Variants in FARS2 observed in about 807,000 individuals in gnomAD.
FARS2 encodes the protein phenylalanyl-tRNA synthetase 2, mitochondrial.
FARS2 carries 40 observed loss-of-function variants against 46.4 expected under a neutral mutation model. That is an observed-to-expected ratio of 0.86 (90% CI 0.67 to 1.12). The LOEUF (loss-of-function observed/expected upper bound fraction) is 1.12. Ranked by LOEUF, FARS2 falls within the 50% of genes most tolerant of loss-of-function variation. FARS2 has a pLI of 0.00. For synonymous variants in FARS2, 234 were observed against 214.9 expected (o/e 1.09, Z -0.78); for missense variants, 513 against 567.9 (o/e 0.90, Z 0.98).
At chr6:5,476,284 C>A (rs533644714) in intron 4 of FARS2, among the ~76,000 whole-genome samples, 1 of 152,102 alleles carries the variant, frequency 6.6e-6, no homozygotes, top group Non-Finnish European at 1.5e-5. Flanking sequence ...CCCTTTGAGT[C>A]GTGTTTTCTA....
chr6:5,623,495 C>T (rs1055146290), intron 6 of FARS2, among the ~76,000 whole-genome samples: 3 of 152,130 alleles, frequency 2.0e-5, no homozygotes, highest in South Asian at 2.1e-4. Context: ...AGGCGGATCA[C>T]GAGGTCAGGA....
chr6:5,469,600 C>T (rs17140532), intron 4 of FARS2, among the ~76,000 whole-genome samples: 1,752 of 152,292 alleles, frequency 0.012, 23 homozygotes, highest in African/African-American at 0.04. Flanking sequence ...CTCGGCATCT[C>T]TTAAAGGAAC....
intron 6 of FARS2, among the ~76,000 whole-genome samples, chr6:5,671,290 G>A (rs1004955582): frequency 1.3e-5 from 2 of 152,206 alleles, no homozygotes; most frequent in African/African-American, 2.4e-5. Flanking sequence ...AGAGCATGAC[G>A]TAAGAGTTAC....
chr6:5,528,111 A>G (rs1164653210), intron 4 of FARS2, among the ~76,000 whole-genome samples: 2 of 152,040 alleles, frequency 1.3e-5, no homozygotes, highest in African/African-American at 2.4e-5. Flanking sequence ...AATTTGGTCA[A>G]TTCATCTTCA....
At chr6:5,484,186 A>AG (rs1766641980) in intron 4 of FARS2, among the ~76,000 whole-genome samples, 1 of 152,222 alleles carries the variant, frequency 6.6e-6, no homozygotes, top group Admixed American at 6.5e-5. Context: ...GGATGGGCCA[A>AG]GGGGGACATA....
chr6:5,504,492 T>C (rs975813295), intron 4 of FARS2, among the ~76,000 whole-genome samples: 8 of 150,506 alleles, frequency 5.3e-5, no homozygotes, highest in African/African-American at 2.0e-4. Context: ...TAGGATTTGC[T>C]CTGAGCTTAT....
intron 6 of FARS2, among the ~76,000 whole-genome samples, chr6:5,753,371 C>G (rs1762051180): frequency 6.6e-6 from 1 of 152,206 alleles, no homozygotes; most frequent in African/African-American, 2.4e-5. Flanking sequence ...CTATAGAGCT[C>G]TGCTCCGTGC....
intron 6 of FARS2, among the ~76,000 whole-genome samples, chr6:5,655,395 C>T (rs921685019): frequency 1.3e-5 from 2 of 152,162 alleles, no homozygotes; most frequent in Non-Finnish European, 2.9e-5. Flanking sequence ...ACTGCCCTAA[C>T]AAATTACCAC....
chr6:5,733,504 T>C (rs997700465), intron 6 of FARS2, among the ~76,000 whole-genome samples: 1 of 152,202 alleles, frequency 6.6e-6, no homozygotes, highest in African/African-American at 2.4e-5. Flanking sequence ...TGACTCTCTT[T>C]CCAAAATACC....
At chr6:5,254,965 T>C in the FARS2 span, among the ~76,000 whole-genome samples, 1 of 152,192 alleles carries the variant, frequency 6.6e-6, no homozygotes, top group Non-Finnish European at 1.5e-5. Flanking sequence ...CCCCACAATC[T>C]GGGTTCTGCC....
chr6:5,750,564 A>G (rs934238449), intron 6 of FARS2, among the ~76,000 whole-genome samples: 1 of 152,168 alleles, frequency 6.6e-6, no homozygotes, highest in African/African-American at 2.4e-5. Context: ...GAAGGGTCCC[A>G]GGTGAAAGAG....
At position 5,466,985 on chromosome 6, in the gene FARS2, T is replaced by C. The variant is rs1252527251; in HGVS notation, c.904+35813T>C. 3 of 985,290 alleles carry C rather than the reference T, an allele frequency of 3.0e-6. No homozygotes were observed. In the African/African-American group the frequency reaches 5.2e-5, roughly 17 times the overall value. The allele number at this position is 985,290 out of a possible 1,614,324, so 61.0% of individuals were successfully genotyped here. A position where few individuals can be genotyped will look rare whatever the true frequency, so the allele number is the denominator to read the frequency against. On this transcript the variant is annotated intron_variant, in intron 4 of 6. Coordinates refer to ENST00000274680, the MANE Select transcript of FARS2 (RefSeq NM_006567.5). ...TGATAAGAGGCACATATTCTTCAGT[T>C]CGTGCAACAGATGTCCTCCTGAGAC...
At chr6:5,307,707 A>G (rs1025337859) in intron 1 of FARS2, among the ~76,000 whole-genome samples, 1 of 152,132 alleles carries the variant, frequency 6.6e-6, no homozygotes, top group Non-Finnish European at 1.5e-5. Context: ...TTCAGCACAC[A>G]TTGATTAGCT....
chr6:5,534,978 C>T (rs926967350), intron 4 of FARS2, among the ~76,000 whole-genome samples: 3 of 149,696 alleles, frequency 2.0e-5, no homozygotes, highest in Non-Finnish European at 4.5e-5. Context: ...ACTTTACATT[C>T]TCAACAGCAA....
At chr6:5,552,468 T>C (rs191225328) in intron 5 of FARS2, among the ~76,000 whole-genome samples, 107 of 152,286 alleles carry the variant, frequency 7.0e-4, no homozygotes, top group Middle Eastern at 6.8e-3. Context: ...CTAGGCTGTG[T>C]TGGCTTCTGT....
At chr6:5,634,438 G>A (rs1184207976) in intron 6 of FARS2, among the ~76,000 whole-genome samples, 1 of 152,158 alleles carries the variant, frequency 6.6e-6, no homozygotes, top group African/African-American at 2.4e-5. Flanking sequence ...GAATAGCTGG[G>A]ACCACAGGTG....
chr6:5,673,929 T>G (rs1055642517), intron 6 of FARS2, among the ~76,000 whole-genome samples: 5 of 152,062 alleles, frequency 3.3e-5, no homozygotes, highest in Non-Finnish European at 5.9e-5. Flanking sequence ...GATGGTAGGT[T>G]TATGGAATCC....
chr6:5,601,917 G>A (rs185733831), intron 5 of FARS2, among the ~76,000 whole-genome samples: 21 of 152,258 alleles, frequency 1.4e-4, no homozygotes, highest in South Asian at 6.2e-4. Context: ...ACTAAACGTG[G>A]CCATGGTTAG....
chr6:5,672,582 G>A (rs1032377449), intron 6 of FARS2, among the ~76,000 whole-genome samples: 11 of 152,160 alleles, frequency 7.2e-5, no homozygotes, highest in Non-Finnish European at 1.3e-4. Flanking sequence ...TGGTCTCAAA[G>A]TAAAGATTTA....
Sources: gnomAD v4.1 joint callset for allele counts (sites outside exome capture counted in the v4.1 genomes callset) on GRCh38, gnomAD v4.1.1 for gene constraint, MANE v1.5 for transcripts, NCBI Gene and HGNC (gene_info 2026-07-23, HGNC 2026-07-21) for gene names.